Variants in DIP2C observed in about 807,000 individuals in gnomAD.
The protein encoded by DIP2C is disco-interacting protein 2 homolog C.
Under a neutral mutation model 192.4 loss-of-function variants are expected in DIP2C, and 33 were observed. That is an observed-to-expected ratio of 0.17 (90% CI 0.13 to 0.23). The LOEUF is 0.23. DIP2C is among the 10% of genes least tolerant of loss of function. The pLI is 1.00. For missense variants in DIP2C, 1,537 were observed against 2,110.1 expected (o/e 0.73, Z 5.32); for synonymous variants, 979 against 864.1 (o/e 1.13, Z -2.33).
intron 1 of DIP2C, among the ~76,000 whole-genome samples, chr10:640,718 CGCGCGGGGAAGAGGGTGG>C (rs138654468): frequency 0.89 from 127,641 of 143,950 alleles, 56,479 homozygotes; most frequent in South Asian, 0.96. Flanking sequence ...GAAGAGGCTG[CGCGCGGGGAAGAGGGTGG>C]GCGCCGGGAA....
intron 1 of DIP2C, among the ~76,000 whole-genome samples, chr10:541,004 TGGGGA>T: frequency 6.8e-6 from 1 of 146,778 alleles, no homozygotes; most frequent in African/African-American, 2.5e-5. Context: ...CACCCGATGC[TGGGGA>T]GCCACAACAC....
At chr10:657,599 CGCTGGACCTGAT>C (rs1345047070) in intron 1 of DIP2C, among the ~76,000 whole-genome samples, 4 of 87,710 alleles carry the variant, frequency 4.6e-5, no homozygotes, top group East Asian at 3.5e-4. Context: ...CTGGACCTGC[CGCTGGACCTGAT>C]GCTGGACCTG....
intron 17 of DIP2C, among the ~76,000 whole-genome samples, chr10:376,099 G>T (rs1288010179): frequency 6.6e-6 from 1 of 152,240 alleles, no homozygotes; most frequent in East Asian, 1.9e-4. Context: ...AGCTCTGTGT[G>T]TGTATGAACC....
chr10:489,423 G>A (rs1319817036), intron 1 of DIP2C, among the ~76,000 whole-genome samples: 1 of 152,272 alleles, frequency 6.6e-6, no homozygotes, highest in Non-Finnish European at 1.5e-5. Flanking sequence ...ACAGATGGCA[G>A]GTGGTGGGAG....
intron 4 of DIP2C, among the ~76,000 whole-genome samples, chr10:429,140 T>C (rs971258762): frequency 6.6e-6 from 1 of 152,084 alleles, no homozygotes; most frequent in African/African-American, 2.4e-5. Context: ...GTATCCACCA[T>C]CACAGTATCA....
At chr10:560,576 T>C (rs1849156418) in intron 1 of DIP2C, among the ~76,000 whole-genome samples, 1 of 151,940 alleles carries the variant, frequency 6.6e-6, no homozygotes, top group Non-Finnish European at 1.5e-5. Flanking sequence ...AAGTAAGCTT[T>C]CTGTTTGCTG....
At chr10:625,237 G>A (rs767240203) in intron 1 of DIP2C, among the ~76,000 whole-genome samples, 5 of 152,100 alleles carry the variant, frequency 3.3e-5, no homozygotes, top group African/African-American at 4.8e-5. Flanking sequence ...AAGCCTCTGC[G>A]CAGCCCTCCT....
intron 1 of DIP2C, among the ~76,000 whole-genome samples, chr10:523,816 G>A (rs988173621): frequency 6.6e-6 from 1 of 152,182 alleles, no homozygotes; most frequent in Non-Finnish European, 1.5e-5. Context: ...TGCAGGGACT[G>A]CTCTGAGTTA....
chr10:556,474 G>A (rs916678332), intron 1 of DIP2C, among the ~76,000 whole-genome samples: 5 of 147,768 alleles, frequency 3.4e-5, no homozygotes, highest in South Asian at 4.4e-4. Flanking sequence ...GGATCCACAC[G>A]CCCTGGCAGC....
At chr10:530,151 T>A (rs139310060) in intron 1 of DIP2C, among the ~76,000 whole-genome samples, 207 of 152,296 alleles carry the variant, frequency 1.4e-3, no homozygotes, top group African/African-American at 4.4e-3. Context: ...CGGGCTTTAT[T>A]CCACAGGGCG....
chr10:414,384 G>T (rs1177804541), intron 7 of DIP2C, among the ~76,000 whole-genome samples: 1 of 152,142 alleles, frequency 6.6e-6, no homozygotes, highest in Non-Finnish European at 1.5e-5. Flanking sequence ...AAACTGCGCT[G>T]CACACTGTGC....
chr10:340,657 G>A (rs551043965), intron 29 of DIP2C: 57 of 421,780 alleles, frequency 1.4e-4, no homozygotes, highest in Non-Finnish European at 2.3e-4. Flanking sequence ...ACATCCATAA[G>A]TTTTTCTGGT....
chr10:520,345 G>A (rs569435266), intron 1 of DIP2C, among the ~76,000 whole-genome samples: 2 of 152,342 alleles, frequency 1.3e-5, no homozygotes, highest in African/African-American at 2.4e-5. Flanking sequence ...TTCCGAAGAC[G>A]TGTGCGTTAC....
At position 619,550 on chromosome 10, in the gene DIP2C, C is replaced by T. The variant is rs187471195; in HGVS notation, c.85+69944G>A. ...CCAAGCCCGCCCGCCCGCCCTCCCACCCAGCTCCTCACGCACTCCCGTGCG... is the reference window on the plus strand; with the variant it reads ...CCAAGCCCGCCCGCCCGCCCTCCCATCCAGCTCCTCACGCACTCCCGTGCG... On this transcript the variant is annotated intron_variant, in intron 1 of 36. Transcript: ENST00000280886. Among the ~76,000 whole-genome samples, 763 of 149,222 alleles carry T rather than the reference C, an allele frequency of 5.1e-3. 10 individuals carry two copies. Among genetic ancestry groups the T allele is most frequent in the Admixed American group, 6.7e-3 (101 of 15,078 alleles).
At chr10:361,508 C>T (rs1310412652) in intron 22 of DIP2C, among the ~76,000 whole-genome samples, 1 of 152,214 alleles carries the variant, frequency 6.6e-6, no homozygotes, top group East Asian at 1.9e-4. Context: ...GATCCTCCTC[C>T]TTCCATAAAC....
At chr10:638,795 C>T (rs1854976242) in intron 1 of DIP2C, among the ~76,000 whole-genome samples, 1 of 152,210 alleles carries the variant, frequency 6.6e-6, no homozygotes, top group Non-Finnish European at 1.5e-5. Context: ...GCAGGGTGCA[C>T]ATATTTAAAA....
chr10:673,423 A>G (rs1014714194), intron 1 of DIP2C, among the ~76,000 whole-genome samples: 1 of 152,198 alleles, frequency 6.6e-6, no homozygotes, highest in Non-Finnish European at 1.5e-5. Context: ...CCCTACAATT[A>G]TAAGATTTTT....
At chr10:361,604 C>G (rs1959519244) in intron 22 of DIP2C, among the ~76,000 whole-genome samples, 1 of 152,200 alleles carries the variant, frequency 6.6e-6, no homozygotes, top group Non-Finnish European at 1.5e-5. Context: ...TTGAGAGTGT[C>G]TGACAATCAA....
At chr10:551,358 G>C (rs1043554690) in intron 1 of DIP2C, among the ~76,000 whole-genome samples, 1 of 152,228 alleles carries the variant, frequency 6.6e-6, no homozygotes, top group African/African-American at 2.4e-5. Context: ...GTAGGGCTTG[G>C]AGTTCCAAAG....
Sources: allele counts gnomAD v4.1 joint callset (sites outside exome capture counted in the v4.1 genomes callset), GRCh38; gene constraint gnomAD v4.1.1; transcripts MANE v1.5; gene names NCBI Gene and HGNC (gene_info 2026-07-23, HGNC 2026-07-21).